The following NCALD variants were observed in gnomAD, a reference collection of about 807,000 sequenced individuals.
NCALD encodes the protein neurocalcin-delta.
A neutral mutation model predicts 18.6 loss-of-function variants in NCALD; 10 were observed. The ratio of observed to expected loss-of-function variants is 0.54; its 90% CI spans 0.33 to 0.91. The LOEUF (loss-of-function observed/expected upper bound fraction) is 0.91. Ranked by LOEUF, NCALD falls within the 40% of genes least tolerant of loss-of-function variation. The pLI is 0.03. For missense variants in NCALD, 184 were observed against 247.6 expected (o/e 0.74, Z 1.72); for synonymous variants, 88 against 87.4 (o/e 1.01, Z -0.04).
At chr8:101,998,251 A>G (rs1040053098) in intron 2 of NCALD, among the ~76,000 whole-genome samples, 4 of 152,218 alleles carry the variant, frequency 2.6e-5, no homozygotes, top group African/African-American at 9.7e-5. Flanking sequence ...TTTTTAAAAG[A>G]TGGATTTACT....
intron 1 of NCALD, among the ~76,000 whole-genome samples, chr8:102,100,005 G>GAAA (rs1554596978): frequency 0.026 from 3,818 of 146,686 alleles, 130 homozygotes; most frequent in East Asian, 0.13. Flanking sequence ...AGAAGAAGAA[G>GAAA]AAGAAAAAGA....
chr8:101,872,101 T>A (rs945063812), intron 4 of NCALD: 9 of 1,590,766 alleles, frequency 5.7e-6, no homozygotes, highest in Admixed American at 1.7e-5. Flanking sequence ...GGTGGTTGAA[T>A]TGGCTTTGAT....
chr8:101,992,914 T>G (rs1017220165), intron 2 of NCALD, among the ~76,000 whole-genome samples: 3 of 151,198 alleles, frequency 2.0e-5, no homozygotes, highest in African/African-American at 7.3e-5. Flanking sequence ...CGAACAACCC[T>G]ATAAAGTAGA....
At chr8:102,095,443 C>A (rs1446508325) in intron 1 of NCALD, among the ~76,000 whole-genome samples, 1 of 152,158 alleles carries the variant, frequency 6.6e-6, no homozygotes, top group Non-Finnish European at 1.5e-5. Flanking sequence ...AAAAGGTAAA[C>A]CAACTTGGAC....
intron 2 of NCALD, among the ~76,000 whole-genome samples, chr8:101,925,684 G>A (rs1455127996): frequency 6.6e-6 from 1 of 152,110 alleles, no homozygotes; most frequent in Non-Finnish European, 1.5e-5. Flanking sequence ...GAGTCATTGA[G>A]CTAAACCAGC....
chr8:102,020,841 G>T (rs998556499), intron 1 of NCALD, among the ~76,000 whole-genome samples: 17 of 151,988 alleles, frequency 1.1e-4, no homozygotes, highest in Admixed American at 9.2e-4. Flanking sequence ...CTGTACCATT[G>T]CCTGAGCTCC....
intron 4 of NCALD, among the ~76,000 whole-genome samples, chr8:101,841,534 A>G (rs150416056): frequency 3.6e-4 from 55 of 152,304 alleles, no homozygotes; most frequent in African/African-American, 1.3e-3. Context: ...AGGTTGTGAC[A>G]ATCAAAAACA....
intron 4 of NCALD, among the ~76,000 whole-genome samples, chr8:101,873,640 AC>A: frequency 6.6e-6 from 1 of 152,334 alleles, no homozygotes; most frequent in Middle Eastern, 3.4e-3. Flanking sequence ...TGGAGATGGG[AC>A]CTGAATGACA....
intron 1 of NCALD, among the ~76,000 whole-genome samples, chr8:102,099,681 C>T (rs547453378): frequency 3.3e-5 from 5 of 151,514 alleles, no homozygotes; most frequent in African/African-American, 7.3e-5. Context: ...CCGTGGCTCA[C>T]GCCTATAATC....
chr8:101,898,561 G>T (rs1041793710), intron 3 of NCALD, among the ~76,000 whole-genome samples: 2 of 152,022 alleles, frequency 1.3e-5, no homozygotes, highest in Non-Finnish European at 2.9e-5. Flanking sequence ...TCATGCTGTT[G>T]ATATCATGTT....
rs371769620 is a variant in NCALD, at chr8:102,048,948, G to A, written c.-209-28659C>T. Among the ~76,000 whole-genome samples the A allele has an allele frequency of 4.6e-5, 7 of 152,310 alleles. No homozygotes were observed. In the East Asian group the frequency reaches 9.6e-4, roughly 21 times the overall value. ...GGTAGTGGGAGAGTTAGGATAAGGA[G>A]TGCAAAGCCTGTAACAGCCTTAATG... On this transcript the variant is annotated intron_variant, in intron 1 of 6. Coordinates refer to the NCALD transcript ENST00000311028.
intron 2 of NCALD, among the ~76,000 whole-genome samples, chr8:102,017,649 A>G (rs983263550): frequency 1.3e-5 from 2 of 152,100 alleles, no homozygotes; most frequent in African/African-American, 4.8e-5. Flanking sequence ...GAGCCAAGAT[A>G]GCACCACTGC....
chr8:102,054,411 C>G (rs926323579), intron 1 of NCALD, among the ~76,000 whole-genome samples: 2 of 152,058 alleles, frequency 1.3e-5, no homozygotes, highest in Admixed American at 6.6e-5. Context: ...ACAGTATATT[C>G]AGGTAAGAAA....
chr8:102,121,331 A>G (rs909928566), intron 1 of NCALD, among the ~76,000 whole-genome samples: 1 of 152,138 alleles, frequency 6.6e-6, no homozygotes, highest in African/African-American at 2.4e-5. Flanking sequence ...GGGCTGCCTC[A>G]GGGAAGCAGC....
chr8:101,841,878 T>G (rs935794242), intron 4 of NCALD, among the ~76,000 whole-genome samples: 6 of 152,068 alleles, frequency 3.9e-5, no homozygotes, highest in Non-Finnish European at 7.4e-5. Context: ...CTTGGAGATA[T>G]ATATATATCC....
intron 4 of NCALD, among the ~76,000 whole-genome samples, chr8:101,804,667 A>AT (rs1444198036): frequency 8.9e-6 from 1 of 112,474 alleles, no homozygotes; most frequent in African/African-American, 3.3e-5. Flanking sequence ...TATAATTATC[A>AT]TATAATATAA....
chr8:101,726,805 G>A (rs566630142), intron 1 of NCALD, among the ~76,000 whole-genome samples: 101 of 152,126 alleles, frequency 6.6e-4, no homozygotes, highest in Non-Finnish European at 1.1e-3. Flanking sequence ...GTGCACCAGG[G>A]ACGTGAATGT....
In NCALD at chr8:101,736,714, C is replaced by T. The variant is rs149097305; in HGVS notation, c.-19-17066G>A. 7.9e-5 allele frequency among the ~76,000 whole-genome samples: 12 copies of T among 152,272 alleles called. No homozygotes were observed. The East Asian group carries it at 2.3e-3, about 29-fold the overall frequency. On this transcript the variant is annotated intron_variant, in intron 1 of 3. Coordinates refer to ENST00000220931, the MANE Select transcript of NCALD (RefSeq NM_032041.3). The stretch of plus-strand genomic sequence containing the variant: ...AACCTCTGGGGTTTTCAAGGCCCAT[C>T]AATCACTAAACAGACCAAACCAAGT...
chr8:101,839,502 G>T (rs947728789), intron 4 of NCALD, among the ~76,000 whole-genome samples: 1 of 151,952 alleles, frequency 6.6e-6, no homozygotes, highest in African/African-American at 2.4e-5. Flanking sequence ...AAGGTGCAAA[G>T]GGTGACTTAC....
Sources: gnomAD v4.1 joint callset for allele counts (sites outside exome capture counted in the v4.1 genomes callset) on GRCh38, gnomAD v4.1.1 for gene constraint, MANE v1.5 for transcripts, NCBI Gene and HGNC (gene_info 2026-07-23, HGNC 2026-07-21) for gene names.